The following MEGF8 variants were observed in gnomAD, a reference collection of about 807,000 sequenced individuals.
MEGF8 encodes the protein multiple epidermal growth factor-like domains protein 8.
In MEGF8, 156 loss-of-function variants were observed where a neutral mutation model predicts 302.9. The ratio of observed to expected loss-of-function variants is 0.52; its 90% CI spans 0.45 to 0.59. MEGF8 has a LOEUF of 0.59. Ranked by LOEUF, MEGF8 falls within the 20% of genes least tolerant of loss-of-function variation. MEGF8 has a pLI of 0.00. For missense variants in MEGF8, 3,345 were observed against 3,964.5 expected (o/e 0.84, Z 4.20); for synonymous variants, 1,621 against 1,660.5 (o/e 0.98, Z 0.58).
Position 42,350,308 on chromosome 19 carries a change from G to T in MEGF8, c.2660G>T (p.Gly887Val). ...GCCCATTGCGGGGATGACGGGGCTG[G>T]TGGGTCCCTGCTGGTGCTGGTGCCT... ...GGAHCGDDGA[G>V]GSLLVLVPTL... Residue 887 changes from glycine (G) to valine (V), a missense_variant, in exon 15 of 42, where the codon GGT (glycine) becomes GTT (valine). Transcript: ENST00000251268. 6.2e-7 allele frequency: 1 copy of T among 1,608,616 alleles called. No individual in the cohort carries two copies. Among genetic ancestry groups the T allele is most frequent in the African/African-American group, 1.3e-5 (1 of 75,078 alleles).
At chr19:42,341,777 T>G (rs1434776498) in intron 8 of MEGF8, among the ~76,000 whole-genome samples, 2 of 152,176 alleles carry the variant, frequency 1.3e-5, no homozygotes, top group Non-Finnish European at 2.9e-5. Flanking sequence ...GTTAGGGTCC[T>G]GTCTCAGGGC....
Position 42,368,631 on chromosome 19 carries a change from C to T in MEGF8, c.6450C>T (p.Cys2150=). ...AWGGQDGGGR[C]MEGGLSGPRD... is the part of the protein sequence containing the mutation. ...GGGGCCAGGATGGGGGTGGCCGCTG[C>T]ATGGAGGGTGGACTCAGCGGCCCCC... The change falls in exon 36 of 42, where the codon TGC becomes TGT. Residue 2150 remains cysteine (C), a synonymous_variant. Coordinates refer to ENST00000251268, the MANE Select transcript of MEGF8 (RefSeq NM_001271938.2). This position sits in a 1 kb window ranked among gnomAD's most constrained non-coding sequence, Gnocchi z 4.9. 1 of 1,564,012 alleles carries T rather than the reference C, an allele frequency of 6.4e-7. No homozygotes were observed. Among genetic ancestry groups the T allele is most frequent in the Middle Eastern group, 1.8e-4 (1 of 5,698 alleles).
At chr19:42,350,982 C>T (rs1375986730) in intron 15 of MEGF8, 7 of 567,812 alleles carry the variant, frequency 1.2e-5, no homozygotes, top group Non-Finnish European at 2.2e-5. Flanking sequence ...TGAATAAGCC[C>T]CACCCGGACC....
intron 31 of MEGF8, among the ~76,000 whole-genome samples, chr19:42,360,562 CTT>C (rs2039517149): frequency 6.6e-6 from 1 of 152,164 alleles, no homozygotes. Flanking sequence ...CCAGGCTGGT[CTT>C]AAACTCCTGG....
rs938594751 is a variant in MEGF8, at chr19:42,368,135, C to G, written c.6274-320C>G. On this transcript the variant is annotated intron_variant, in intron 35 of 41. Transcript: ENST00000251268. The surrounding 1 kb of genome is among the most constrained non-coding windows in gnomAD (Gnocchi z 4.9). Reference sequence around the variant, plus strand: ...GTCTCACTGTGCTGCCCAGGCTGGTCTGGAACTCTTGGGCTCAAGTGATCC... The same window carrying G: ...GTCTCACTGTGCTGCCCAGGCTGGTGTGGAACTCTTGGGCTCAAGTGATCC... Among the ~76,000 whole-genome samples the G allele has an allele frequency of 7.9e-5, 12 of 152,152 alleles. No individual in the cohort carries two copies. The highest frequency in any genetic ancestry group is 1.5e-4 in the Non-Finnish European group (10 of 68,034).
chr19:42,376,359 C>A lies in MEGF8; in HGVS notation c.8122C>A (p.Pro2708Thr), dbSNP rs373293709. 15 of 1,613,488 alleles carry A rather than the reference C, an allele frequency of 9.3e-6. No individual in the cohort carries two copies. The African/African-American group carries it at 1.9e-4, about 20-fold the overall frequency. The change falls in exon 42 of 42, where the codon CCT (proline) becomes ACT (threonine). Residue 2708 changes from proline to threonine, a missense_variant. Coordinates refer to ENST00000251268, the MANE Select transcript of MEGF8 (RefSeq NM_001271938.2). The surrounding 1 kb of genome is among the most constrained non-coding windows in gnomAD (Gnocchi z 8.2). ...AKVTVCFPPD[P>T]TAPASAWKPA... The stretch of plus-strand genomic sequence containing the variant: ...GGTCACCGTCTGCTTCCCACCTGAC[C>A]CTACTGCCCCGGCCTCCGCCTGGAA...
intron 1 of MEGF8, among the ~76,000 whole-genome samples, chr19:42,328,218 T>G (rs973214629): frequency 1.3e-5 from 2 of 152,150 alleles, no homozygotes; most frequent in African/African-American, 2.4e-5. Flanking sequence ...GAAAGAGAAG[T>G]TGAAAGGCAG....
intron 8 of MEGF8, among the ~76,000 whole-genome samples, chr19:42,338,994 C>T (rs993464283): frequency 1.4e-4 from 22 of 151,754 alleles, no homozygotes; most frequent in African/African-American, 4.1e-4. Context: ...CCACCACAGC[C>T]GGCTAATTTT....
rs1247458363 is a variant in MEGF8, at chr19:42,336,608, G to C, written c.1245-199G>C. Among the ~76,000 whole-genome samples, 3 of 152,134 alleles carry C rather than the reference G, an allele frequency of 2.0e-5. No individual in the cohort carries two copies. Among genetic ancestry groups the C allele is most frequent in the African/African-American group, 7.2e-5 (3 of 41,416 alleles). On this transcript the variant is annotated intron_variant, in intron 6 of 41. Coordinates refer to ENST00000251268, the MANE Select transcript of MEGF8 (RefSeq NM_001271938.2). This position sits in a 1 kb window ranked among gnomAD's most constrained non-coding sequence, Gnocchi z 4.8. ...TATCTATTCAACAGAGCCCTGCTTG[G>C]TGTCCAGCCCTTGCTAGCTTATGCA...
In MEGF8 at chr19:42,354,535, G is replaced by C. The variant is rs2039423820; in HGVS notation, c.4012-53G>C. On this transcript the variant is annotated intron_variant, in intron 22 of 41. Transcript: ENST00000251268. The surrounding 1 kb of genome is among the most constrained non-coding windows in gnomAD (Gnocchi z 4.3). ...GAACCCCTCCTCCTCCCAGACCCCA[G>C]GTGTCGTTCTCATCCTCATTGTCTC... 8 of 1,570,506 alleles carry C rather than the reference G, an allele frequency of 5.1e-6. No individual in the cohort carries two copies. Among genetic ancestry groups the C allele is most frequent in the African/African-American group, 1.3e-5 (1 of 74,108 alleles).
chr19:42,348,611 T>G, intron 13 of MEGF8, 139 bp downstream of exon 13: 2 of 846,624 alleles, frequency 2.4e-6, no homozygotes, highest in Non-Finnish European at 3.5e-6. Context: ...ATTTTTTGTG[T>G]GTGTGTAAGA....
At position 42,362,407 on chromosome 19, in the gene MEGF8, G is replaced by C; in HGVS notation, c.5868G>C (p.Trp1956Cys). 1 of 1,613,958 alleles carries C rather than the reference G, an allele frequency of 6.2e-7. No homozygotes were observed. Among genetic ancestry groups the C allele is most frequent in the Non-Finnish European group, 8.5e-7 (1 of 1,179,882 alleles). Residue 1956 changes from tryptophan to cysteine, a missense_variant, in exon 34 of 42, where the codon TGG (tryptophan) becomes TGC (cysteine). Physicochemically the swap from Trp to Cys is radical, Grantham distance 215. Coordinates refer to ENST00000251268, the MANE Select transcript of MEGF8 (RefSeq NM_001271938.2). ...DGEASTPRCKWCTNCPEGACI... is the reference protein window; with the variant it reads ...DGEASTPRCKCCTNCPEGACI... ...AGGCGTCCACCCCCCGCTGTAAGTG[G>C]TGTACCAACTGCCCCGAAGGTGCTT...
At chr19:42,360,671 G>A in intron 31 of MEGF8, 104 bp from the exon 32 acceptor site, 1 of 1,516,534 alleles carries the variant, frequency 6.6e-7, no homozygotes, top group Non-Finnish European at 8.8e-7. Flanking sequence ...TTGACCCTGT[G>A]TTTCTCCTCT....
Position 42,354,437 on chromosome 19 carries a change from A to C in MEGF8, c.4012-151A>C. 1 of 912,612 alleles carries C rather than the reference A, an allele frequency of 1.1e-6. No individual in the cohort carries two copies. Among genetic ancestry groups the C allele is most frequent in the Non-Finnish European group, 1.7e-6 (1 of 596,554 alleles). The allele number at this position is 912,612 out of a possible 1,614,324, so 56.5% of individuals were successfully genotyped here. A position where few individuals can be genotyped will look rare whatever the true frequency, so the allele number is the denominator to read the frequency against. On this transcript the variant is annotated intron_variant, in intron 22 of 41. Transcript: ENST00000251268. This position sits in a 1 kb window ranked among gnomAD's most constrained non-coding sequence, Gnocchi z 4.3. ...ACACAGGAAGGGGAGTGGTGGCCTT[A>C]TGCCATAGTTTGACAGTCTCCCCTG... is the stretch of plus-strand genomic sequence containing the variant.
In MEGF8 at chr19:42,353,955, C is replaced by T; in HGVS notation, c.3942C>T (p.Pro1314=). The change falls in exon 22 of 42, where the codon CCC becomes CCT. Residue 1314 remains proline, a synonymous_variant. Coordinates refer to ENST00000251268, the MANE Select transcript of MEGF8 (RefSeq NM_001271938.2). The surrounding 1 kb of genome is among the most constrained non-coding windows in gnomAD (Gnocchi z 6.1). ...WVVSATEELQ[P]CAPGTLCPPL... is the part of the protein sequence containing the mutation. ...TCTCGGCCACTGAGGAGCTACAGCC[C>T]TGTGCTCCCGGGACCCTCTGTCCCC... 4 of 1,583,442 alleles carry T rather than the reference C, an allele frequency of 2.5e-6. No homozygotes were observed. Among genetic ancestry groups the T allele is most frequent in the Non-Finnish European group, 3.4e-6 (4 of 1,165,040 alleles).
rs2039443692 is a variant in MEGF8 at position 42,355,848 on chromosome 19, C to G, written c.4235C>G (p.Pro1412Arg). 6.4e-7 allele frequency: 1 copy of G among 1,567,414 alleles called. No individual in the cohort carries two copies. The highest frequency in any genetic ancestry group is 1.4e-5 in the African/African-American group (1 of 73,844). Residue 1412 changes from proline to arginine, a missense_variant, in exon 24 of 42, where the codon CCC becomes CGC. Transcript: ENST00000251268. ...VGSARCGSGG[P>R]GSCPVPQECV... ...TCTGCCCGCTGTGGGTCAGGGGGCC[C>G]CGGGAGCTGTCCCGTCCCCCAGGAA...
chr19:42,358,252 C>A lies in MEGF8; in HGVS notation c.5120C>A (p.Ser1707Tyr). The A allele has an allele frequency of 6.2e-7, 1 of 1,605,720 alleles. No homozygotes were observed. ...GCGGCCCCATCCCCCGAGCTCTACT[C>A]CCTGCACTGTCCTGACCGCACCTGG... The part of the protein sequence containing the change: ...ELAAPSPELY[S>Y]LHCPDRTWSL... The change falls in exon 29 of 42, where the codon TCC becomes TAC. Residue 1707 changes from serine to tyrosine, a missense_variant. Physicochemically the swap from Ser to Tyr is moderately radical, Grantham distance 144 (BLOSUM62 -2). Transcript: ENST00000251268. This position sits in a 1 kb window ranked among gnomAD's most constrained non-coding sequence, Gnocchi z 4.4.
rs755897855 is a variant in MEGF8, at chr19:42,356,943, G to C, written c.4792G>C (p.Val1598Leu). 3 of 1,610,488 alleles carry C rather than the reference G, an allele frequency of 1.9e-6. No homozygotes were observed. The East Asian group carries it at 6.7e-5, about 36-fold the overall frequency. Residue 1598 changes from valine (V) to leucine (L), a missense_variant, in exon 27 of 42, where the codon GTC becomes CTC. Physicochemically the swap from Val to Leu is conservative, Grantham distance 32. Transcript: ENST00000251268. The surrounding 1 kb of genome is among the most constrained non-coding windows in gnomAD (Gnocchi z 5.2). ...TAGGVTRDFW[V>L]LNLTTLQWRQ... ...TGGAGGCGTCACCCGTGATTTCTGG[G>C]TCCTCAACCTCACCACCCTGCAATG... is the stretch of plus-strand genomic sequence containing the variant.
At position 42,325,971 on chromosome 19, in the gene MEGF8, G is replaced by A; in HGVS notation, c.-273G>A. The A allele has an allele frequency of 2.5e-6, 1 of 406,314 alleles. No individual in the cohort carries two copies. Among genetic ancestry groups the A allele is most frequent in the Non-Finnish European group, 4.3e-6 (1 of 233,382 alleles). The allele number at this position is 406,314 out of a possible 1,614,324, so 25.2% of individuals were successfully genotyped here. A position where few individuals can be genotyped will look rare whatever the true frequency, so the allele number is the denominator to read the frequency against. ...CCCTATGGAGCCCTGTGTCTATAGGGGACTCCTACGGTCCCTAGGGTTCGG... is the reference window on the plus strand; with the variant it reads ...CCCTATGGAGCCCTGTGTCTATAGGAGACTCCTACGGTCCCTAGGGTTCGG... On this transcript the variant is annotated 5_prime_UTR_variant, in exon 1 of 42. Transcript: ENST00000251268.
Sources: allele counts gnomAD v4.1 joint callset (sites outside exome capture counted in the v4.1 genomes callset), GRCh38; gene constraint gnomAD v4.1.1; non-coding constraint Gnocchi (gnomAD v3.1); transcripts MANE v1.5; gene names NCBI Gene and HGNC (gene_info 2026-07-23, HGNC 2026-07-21).